Variants in EGF observed in about 807,000 individuals in gnomAD.
EGF encodes pro-epidermal growth factor.
EGF carries 95 observed loss-of-function variants against 143.8 expected under a neutral mutation model. The observed-to-expected ratio is 0.66, with a 90% CI of 0.56 to 0.78. The LOEUF (loss-of-function observed/expected upper bound fraction) is 0.78. EGF is among the 30% of genes least tolerant of loss of function. EGF has a pLI of 0.00. For missense variants in EGF, 1,320 were observed against 1,470.9 expected (o/e 0.90, Z 1.68); for synonymous variants, 510 against 510.5 (o/e 1.00, Z 0.01).
chr4:109,964,642 C>G (rs1284361499), intron 10 of EGF, 105 bp downstream of exon 10: 21 of 1,495,744 alleles, frequency 1.4e-5, no homozygotes, highest in African/African-American at 4.2e-5. Flanking sequence ...CTGCTAAGTT[C>G]TGAATGATTA....
intron 18 of EGF, 113 bp from the exon 19 acceptor site, chr4:109,993,134 A>T: frequency 7.5e-7 from 1 of 1,341,668 alleles, no homozygotes; most frequent in South Asian, 1.3e-5. Context: ...GGTCTCTGAG[A>T]ACATATAGCA....
At chr4:110,009,655 A>G (rs1753755986) in intron 23 of EGF, among the ~76,000 whole-genome samples, 1 of 152,174 alleles carries the variant, frequency 6.6e-6, no homozygotes, top group South Asian at 2.1e-4. Flanking sequence ...AGCATGAGTG[A>G]TCACATCCCC....
chr4:110,006,204 G>T (rs563492705), intron 22 of EGF, among the ~76,000 whole-genome samples: 17 of 152,114 alleles, frequency 1.1e-4, no homozygotes, highest in African/African-American at 3.4e-4. Flanking sequence ...ACTTTGCTGG[G>T]TGTGGTGGTA....
At chr4:109,947,407 C>T (rs1436026197) in intron 5 of EGF, among the ~76,000 whole-genome samples, 2 of 150,584 alleles carry the variant, frequency 1.3e-5, no homozygotes, top group Non-Finnish European at 1.5e-5. Flanking sequence ...TGGAGTCTTG[C>T]TCTGTCACCC....
intron 1 of EGF, among the ~76,000 whole-genome samples, chr4:109,938,102 G>A (rs1424788019): frequency 6.6e-6 from 1 of 152,162 alleles, no homozygotes; most frequent in African/African-American, 2.4e-5. Context: ...ATATGCCGAA[G>A]AGTGTTTTCT....
At chr4:109,957,586 A>G (rs1047146019) in intron 5 of EGF, among the ~76,000 whole-genome samples, 2 of 152,252 alleles carry the variant, frequency 1.3e-5, no homozygotes, top group African/African-American at 2.4e-5. Context: ...AAGTAGAAGC[A>G]AATGGGTACA....
intron 14 of EGF, chr4:109,980,566 A>C: frequency 1.9e-6 from 1 of 524,300 alleles, no homozygotes; most frequent in Non-Finnish European, 3.4e-6. Context: ...AATAAGAATC[A>C]CATTTGACTA....
At chr4:109,997,024 C>A (rs1429984713) in intron 20 of EGF, among the ~76,000 whole-genome samples, 1 of 151,734 alleles carries the variant, frequency 6.6e-6, no homozygotes, top group African/African-American at 2.4e-5. Flanking sequence ...AGGAGACCAT[C>A]GTCTTATTAT....
rs1746252965 is a variant in EGF at position 109,964,636 on chromosome 4, T to C, written c.1575+99T>C. On this transcript the variant is annotated intron_variant, in intron 10 of 23. Coordinates refer to ENST00000265171, the MANE Select transcript of EGF (RefSeq NM_001963.6). ...CCTGGCCTACTTGAAAATCCTCTGCTAAGTTCTGAATGATTAGGCACAGAA... is the reference window on the plus strand; with the variant it reads ...CCTGGCCTACTTGAAAATCCTCTGCCAAGTTCTGAATGATTAGGCACAGAA... 9 of 1,532,358 alleles carry C rather than the reference T, an allele frequency of 5.9e-6. No homozygotes were observed. In the South Asian group the frequency reaches 5.9e-5, roughly 10 times the overall value. The allele number at this position is 1,532,358 out of a possible 1,614,324, so 94.9% of individuals were successfully genotyped here. A position where few individuals can be genotyped will look rare whatever the true frequency, so the allele number is the denominator to read the frequency against.
rs544470411 is a variant in EGF at position 109,972,434 on chromosome 4, C to T, written c.1725-2269C>T. On this transcript the variant is annotated intron_variant, in intron 11 of 23. Transcript: ENST00000265171. ...GAAACAGAATTTAGAGATGATGTCT[C>T]TCATCTCTAAGATGATTAGAGATCA... is the stretch of plus-strand genomic sequence containing the variant. Among the ~76,000 whole-genome samples the T allele has an allele frequency of 1.6e-3, 246 of 152,232 alleles. 3 individuals are homozygous for T. Among genetic ancestry groups the T allele is most frequent in the African/African-American group, 5.7e-3 (238 of 41,518 alleles).
chr4:109,972,681 G>A (rs142264666), intron 11 of EGF, among the ~76,000 whole-genome samples: 2 of 152,168 alleles, frequency 1.3e-5, no homozygotes, highest in Non-Finnish European at 2.9e-5. Context: ...AGTAGAAATG[G>A]TTTCAAATTC....
Position 109,961,008 on chromosome 4 carries a change from T to A in EGF, c.1189+19T>A, listed in dbSNP as rs1247251170. The A allele has an allele frequency of 6.2e-7, 1 of 1,613,480 alleles. No homozygotes were observed. The highest frequency in any genetic ancestry group is 8.5e-7 in the Non-Finnish European group (1 of 1,179,606). ...TGTCATCGTAAGTTATAGCAACAAG[T>A]ATTTATTGCATTAGTTTTCTTCATT... On this transcript the variant is annotated intron_variant, in intron 7 of 23. Coordinates refer to ENST00000265171, the MANE Select transcript of EGF (RefSeq NM_001963.6).
At chr4:109,964,162 C>T (rs1746161139) in intron 9 of EGF, among the ~76,000 whole-genome samples, 1 of 152,104 alleles carries the variant, frequency 6.6e-6, no homozygotes, top group Non-Finnish European at 1.5e-5. Flanking sequence ...AAGTAAGCAG[C>T]TTTTAAAAGC....
Position 109,976,190 on chromosome 4 carries a change from A to G in EGF, c.2008A>G (p.Asn670Asp). 6.2e-7 allele frequency: 1 copy of G among 1,614,084 alleles called. No individual in the cohort carries two copies. Reference sequence around the variant, plus strand: ...CAAGCAGTCTGTGATTGAAATGGCCAATCTGGATGGTTCAAAACGCCGAAG... The same window carrying G: ...CAAGCAGTCTGTGATTGAAATGGCCGATCTGGATGGTTCAAAACGCCGAAG... ...DAKQSVIEMA[N>D]LDGSKRRRLT... is the part of the protein sequence containing the mutation. Residue 670 changes from asparagine to aspartate, a missense_variant, in exon 13 of 24, where the codon AAT (asparagine) becomes GAT (aspartate). Physicochemically the swap from Asn to Asp is conservative, Grantham distance 23. Around this residue, in one of 5 missense-constraint regions of EGF, gnomAD observed 1,186 missense variants for 1,313.7 expected, o/e 0.90. Coordinates refer to ENST00000265171, the MANE Select transcript of EGF (RefSeq NM_001963.6).
At chr4:109,963,374 G>T in intron 9 of EGF, 76 bp downstream of exon 9, 2 of 1,588,434 alleles carry the variant, frequency 1.3e-6, no homozygotes, top group South Asian at 1.1e-5. Context: ...AAGATGGAAA[G>T]TTAACTGCTT....
Position 109,969,310 on chromosome 4 carries a change from C to T in EGF, c.1724+191C>T, listed in dbSNP as rs117656018. 8.3e-4 allele frequency among the ~76,000 whole-genome samples: 127 copies of T among 152,154 alleles called. 2 individuals carry two copies. In the East Asian group the frequency reaches 9.7e-3, roughly 12 times the overall value. ...CTTTCATCAAGATTGCATCTGTGTG[C>T]GTGGGAGGATTTTGAAGGCCAAGAA... is the stretch of plus-strand genomic sequence containing the variant. On this transcript the variant is annotated intron_variant, in intron 11 of 23. Transcript: ENST00000265171.
At chr4:109,996,513 C>T (rs1046083672) in intron 20 of EGF, among the ~76,000 whole-genome samples, 10 of 152,330 alleles carry the variant, frequency 6.6e-5, no homozygotes, top group Admixed American at 3.9e-4. Context: ...ACCCTTGCCT[C>T]CTCCTGCCCT....
In EGF at chr4:109,961,983, G is replaced by A. The variant is rs780903158; in HGVS notation, c.1310G>A (p.Ser437Asn). The change falls in exon 8 of 24, where the codon AGC (serine) becomes AAC (asparagine). Residue 437 changes from serine (S) to asparagine (N), a missense_variant and splice_region_variant. Physicochemically the swap from Ser to Asn is conservative, Grantham distance 46. Coordinates refer to ENST00000265171, the MANE Select transcript of EGF (RefSeq NM_001963.6). ...CTTGAGAGAGATGGGAAAACATGTAGCGGTGAGTTTATTTGCTTTATTTAC... is the reference window on the plus strand; with the variant it reads ...CTTGAGAGAGATGGGAAAACATGTAACGGTGAGTTTATTTGCTTTATTTAC... ...SVLERDGKTC[S>N]GCSSPDNGGC... 1.2e-6 allele frequency: 2 copies of A among 1,613,728 alleles called. No individual in the cohort carries two copies. Among genetic ancestry groups the A allele is most frequent in the Admixed American group, 3.3e-5 (2 of 60,008 alleles).
At chr4:109,973,009 T>G (rs1747903097) in intron 11 of EGF, among the ~76,000 whole-genome samples, 1 of 152,172 alleles carries the variant, frequency 6.6e-6, no homozygotes, top group African/African-American at 2.4e-5. Context: ...ATTGAATGAA[T>G]TAAAGGTGGT....
Sources: allele counts gnomAD v4.1 joint callset (sites outside exome capture counted in the v4.1 genomes callset), GRCh38; gene constraint gnomAD v4.1.1; regional missense constraint gnomAD v4.1.1; transcripts MANE v1.5; gene names NCBI Gene and HGNC (gene_info 2026-07-23, HGNC 2026-07-21).